The following TRIM24 variants were observed in gnomAD, a reference collection of about 807,000 sequenced individuals.
The protein encoded by TRIM24 is transcription intermediary factor 1-alpha.
In TRIM24, 29 loss-of-function variants were observed where a neutral mutation model predicts 123.9. The observed-to-expected ratio is 0.23, with a 90% CI of 0.17 to 0.32. TRIM24 has a LOEUF of 0.32. Among genes scored for constraint, TRIM24 ranks in the 10% least tolerant of loss-of-function variants. The pLI is 1.00. For missense variants in TRIM24, 932 were observed against 1,295.3 expected (o/e 0.72, Z 4.31); for synonymous variants, 456 against 461.1 (o/e 0.99, Z 0.14).
chr7:138,507,846 T>A (rs970083251), intron 2 of TRIM24, among the ~76,000 whole-genome samples: 1 of 151,706 alleles, frequency 6.6e-6, no homozygotes. Flanking sequence ...GGTTGCAGGA[T>A]CACCTGTGCT....
intron 5 of TRIM24, among the ~76,000 whole-genome samples, chr7:138,526,490 C>T (rs1796613390): frequency 6.6e-6 from 1 of 152,038 alleles, no homozygotes; most frequent in Non-Finnish European, 1.5e-5. Context: ...GTCACTTAAG[C>T]TGGAGTGCAG....
intron 11 of TRIM24, among the ~76,000 whole-genome samples, chr7:138,572,949 A>G (rs1797687040): frequency 6.6e-6 from 1 of 152,258 alleles, no homozygotes; most frequent in Non-Finnish European, 1.5e-5. Context: ...ACAGTAATGT[A>G]TTCAGTGAGG....
intron 1 of TRIM24, among the ~76,000 whole-genome samples, chr7:138,463,988 A>ATTTTTTTTTTTTTTTTTTTTTTTTT (rs1359459460): frequency 3.1e-5 from 1 of 32,114 alleles, no homozygotes; most frequent in African/African-American, 1.3e-4. Context: ...AAAAATTTAG[A>ATTTTTTTTTTTTTTTTTTTTTTTTT]CTTTTTTTTT....
intron 16 of TRIM24, among the ~76,000 whole-genome samples, chr7:138,581,323 C>T (rs972686260): frequency 2.6e-5 from 4 of 152,174 alleles, no homozygotes; most frequent in African/African-American, 7.2e-5. Flanking sequence ...GTTGGACCTT[C>T]GGCATGCAGA....
chr7:138,465,216 A>G (rs1206707385), intron 1 of TRIM24, among the ~76,000 whole-genome samples: 1 of 152,202 alleles, frequency 6.6e-6, no homozygotes, highest in Non-Finnish European at 1.5e-5. Flanking sequence ...CTCAGGCTAC[A>G]TGTTGGAAGG....
chr7:138,472,976 A>G (rs953678764), intron 1 of TRIM24, among the ~76,000 whole-genome samples: 1 of 152,048 alleles, frequency 6.6e-6, no homozygotes, highest in African/African-American at 2.4e-5. Flanking sequence ...ATCCCTTACG[A>G]TGGTTAATAA....
At chr7:138,558,063 CAGA>C (rs1797351834) in intron 9 of TRIM24, among the ~76,000 whole-genome samples, 1 of 152,084 alleles carries the variant, frequency 6.6e-6, no homozygotes, top group African/African-American at 2.4e-5. Context: ...AGGGATTAGG[CAGA>C]AGGATGGTCT....
intron 3 of TRIM24, among the ~76,000 whole-genome samples, chr7:138,516,875 G>T (rs551335217): frequency 1.2e-3 from 176 of 148,054 alleles, no homozygotes; most frequent in African/African-American, 4.3e-3. Flanking sequence ...TTGGGAGGCC[G>T]AAGTGGGATG....
chr7:138,488,746 C>T (rs1004955029), intron 1 of TRIM24, among the ~76,000 whole-genome samples: 2 of 152,170 alleles, frequency 1.3e-5, no homozygotes, highest in Non-Finnish European at 2.9e-5. Context: ...TTTACATTTA[C>T]TGAGGAGTGC....
rs1291962185 is a variant in TRIM24, at chr7:138,588,128, A to G, written c.*3177A>G. The G allele has an allele frequency of 2.0e-5, 3 of 152,180 alleles. No individual in the cohort carries two copies. The East Asian group carries it at 5.8e-4, about 29-fold the overall frequency. The allele number at this position is 152,180 out of a possible 1,614,324, so 9.4% of individuals were successfully genotyped here. ...TTCAAAAAGGTTACCTCCATAGTCA[A>G]AAAAAGGGGGAGTATACAGCTGATT... On this transcript the variant is annotated 3_prime_UTR_variant, in exon 19 of 19. Transcript: ENST00000343526.
chr7:138,538,894 A>G (rs1046120811), intron 7 of TRIM24, 91 bp downstream of exon 7: 80 of 1,223,540 alleles, frequency 6.5e-5, no homozygotes, highest in Non-Finnish European at 8.7e-5. Context: ...CTGCTTGTGC[A>G]TCAGTGCTTT....
At chr7:138,487,333 T>C (rs1006608348) in intron 1 of TRIM24, among the ~76,000 whole-genome samples, 1 of 152,198 alleles carries the variant, frequency 6.6e-6, no homozygotes, top group Non-Finnish European at 1.5e-5. Context: ...CCTTTATTTC[T>C]TTCTCTTGCC....
At position 138,554,894 on chromosome 7, in the gene TRIM24, G is replaced by A; in HGVS notation, c.1458G>A (p.Arg486=). 2 of 1,614,162 alleles carry A rather than the reference G, an allele frequency of 1.2e-6. No individual in the cohort carries two copies. Among genetic ancestry groups the A allele is most frequent in the Non-Finnish European group, 1.7e-6 (2 of 1,179,986 alleles). ...QVMAQRQQVQ[R]RPAPVGLPNP... is the part of the protein sequence containing the mutation. ...TGGCTCAGAGGCAACAGGTGCAACGGAGGCCAGCACCTGTGGGTTTACCAA... is the reference window on the plus strand; with the variant it reads ...TGGCTCAGAGGCAACAGGTGCAACGAAGGCCAGCACCTGTGGGTTTACCAA... The change falls in exon 9 of 19, where the codon CGG becomes CGA. Residue 486 remains arginine (R), a synonymous_variant. Transcript: ENST00000343526. The surrounding 1 kb of genome is among the most constrained non-coding windows in gnomAD (Gnocchi z 4.5).
At chr7:138,550,025 G>A (rs1048348168) in intron 7 of TRIM24, among the ~76,000 whole-genome samples, 3 of 151,896 alleles carry the variant, frequency 2.0e-5, no homozygotes, top group African/African-American at 7.3e-5. Flanking sequence ...GAATGGGGGA[G>A]GAAATACTGA....
At chr7:138,512,573 A>G (rs1796312157) in intron 2 of TRIM24, among the ~76,000 whole-genome samples, 1 of 152,174 alleles carries the variant, frequency 6.6e-6, no homozygotes, top group Non-Finnish European at 1.5e-5. Context: ...GCCAAGGCTT[A>G]TGCCTTGCAC....
intron 1 of TRIM24, among the ~76,000 whole-genome samples, chr7:138,466,498 T>C (rs1215809322): frequency 5.2e-4 from 51 of 98,016 alleles, no homozygotes; most frequent in African/African-American, 2.0e-3. Context: ...AGCATCTCAC[T>C]GTGTTGCCCA....
At chr7:138,573,812 CTTTCT>C (rs1214985346) in intron 12 of TRIM24, among the ~76,000 whole-genome samples, 170 bp downstream of exon 12, 5 of 152,122 alleles carry the variant, frequency 3.3e-5, no homozygotes, top group Admixed American at 6.5e-5. Context: ...TTTATCCTTT[CTTTCT>C]TTTGAGTCAC....
At chr7:138,557,456 G>T (rs1414376398) in intron 9 of TRIM24, among the ~76,000 whole-genome samples, 1 of 152,138 alleles carries the variant, frequency 6.6e-6, no homozygotes, top group Admixed American at 6.5e-5. Context: ...TGGCCGATTG[G>T]ATGTTTTTAA....
intron 2 of TRIM24, among the ~76,000 whole-genome samples, chr7:138,510,158 G>A (rs1796255465): frequency 1.3e-5 from 2 of 152,204 alleles, no homozygotes; most frequent in African/African-American, 2.4e-5. Context: ...AGAGGAAGCC[G>A]ACTATGAGAA....
Sources: allele counts gnomAD v4.1 joint callset (sites outside exome capture counted in the v4.1 genomes callset), GRCh38; gene constraint gnomAD v4.1.1; non-coding constraint Gnocchi (gnomAD v3.1); transcripts MANE v1.5; gene names NCBI Gene and HGNC (gene_info 2026-07-23, HGNC 2026-07-21).